PDK1: variants seen among roughly 807,000 people sequenced by gnomAD.
PDK1 encodes the protein [Pyruvate dehydrogenase (acetyl-transferring)] kinase isozyme 1, mitochondrial.
Under a neutral mutation model 54.2 loss-of-function variants are expected in PDK1, and 39 were observed. That is an observed-to-expected ratio of 0.72 (90% CI 0.56 to 0.94). The LOEUF (loss-of-function observed/expected upper bound fraction) is 0.94, where lower values mean the gene tolerates loss of function less well. Among genes scored for constraint, PDK1 ranks in the 40% least tolerant of loss-of-function variants. The pLI is 0.00. For synonymous variants in PDK1, 221 were observed against 207.1 expected (o/e 1.07, Z -0.58); for missense variants, 552 against 566.0 (o/e 0.98, Z 0.25).
At position 172,575,872 on chromosome 2, in the gene PDK1, A is replaced by G. The variant is rs148416233; in HGVS notation, c.945+5048A>G. ...AATATAAACAATACATTTGATATCT[A>G]TTTAGATTGTCCATTTCTTCCTGAG... On this transcript the variant is annotated intron_variant, in intron 8 of 10. Coordinates refer to ENST00000282077, the MANE Select transcript of PDK1 (RefSeq NM_002610.5). Among the ~76,000 whole-genome samples the G allele has an allele frequency of 3.1e-4, 47 of 152,210 alleles. 2 individuals are homozygous for G. The highest frequency in any genetic ancestry group is 1.0e-3 in the African/African-American group (42 of 41,544).
At chr2:172,689,569 T>C in the PDK1 span, among the ~76,000 whole-genome samples, 1 of 152,162 alleles carries the variant, frequency 6.6e-6, no homozygotes, top group South Asian at 2.1e-4. Flanking sequence ...AGAACAAAGC[T>C]GGAGGGATCA....
At position 172,598,802 on chromosome 2, in the gene PDK1, T is replaced by C. The variant is rs1223399698; in HGVS notation, c.*2833T>C. On this transcript the variant is annotated 3_prime_UTR_variant, in exon 11 of 11. Coordinates refer to ENST00000282077, the MANE Select transcript of PDK1 (RefSeq NM_002610.5). ...CATGGATCAACCCTTCTTTTGAAAA[T>C]AAACTGAGTCAATTTAGCCTTTTAA... 1 of 152,204 alleles carries C rather than the reference T, an allele frequency of 6.6e-6. No individual in the cohort carries two copies. Among genetic ancestry groups the C allele is most frequent in the Non-Finnish European group, 1.5e-5 (1 of 68,018 alleles). 9.4% of individuals were successfully genotyped at this position (152,204 alleles called of 1,614,324 possible). A position where few individuals can be genotyped will look rare whatever the true frequency, so the allele number is the denominator to read the frequency against.
At chr2:172,576,026 C>A (rs1206107332) in intron 8 of PDK1, among the ~76,000 whole-genome samples, 2 of 152,042 alleles carry the variant, frequency 1.3e-5, no homozygotes, top group African/African-American at 2.4e-5. Context: ...CTCCCGAGTT[C>A]ACGCCATTCT....
rs764837549 is a variant in PDK1 at position 172,604,646 on chromosome 2, TG to T, written c.*8679del. The T allele has an allele frequency of 2.6e-5, 4 of 152,210 alleles. No individual in the cohort carries two copies. Among genetic ancestry groups the T allele is most frequent in the Non-Finnish European group, 5.9e-5 (4 of 68,036 alleles). The allele number at this position is 152,210 out of a possible 1,614,324, so 9.4% of individuals were successfully genotyped here. On this transcript the variant is annotated 3_prime_UTR_variant, in exon 11 of 11. Transcript: ENST00000282077. ...CACCTTATTCACTTGGTCTTTGATGTGGTGTCCATAATTGAGTAAATGGCAG... is the reference window on the plus strand; with the variant it reads ...CACCTTATTCACTTGGTCTTTGATGTGTGTCCATAATTGAGTAAATGGCAG...
chr2:172,562,665 C>A, intron 3 of PDK1: 1 of 817,166 alleles, frequency 1.2e-6, no homozygotes, highest in Non-Finnish European at 2.1e-6. Context: ...AGGAAAGCTA[C>A]AAGTCTAGAT....
the PDK1 span, among the ~76,000 whole-genome samples, chr2:172,618,230 AG>A: frequency 1.3e-5 from 2 of 152,266 alleles, no homozygotes; most frequent in Non-Finnish European, 2.9e-5. Context: ...AAACTGGCTT[AG>A]GACCCTGAAG....
In PDK1 at chr2:172,604,226, C is replaced by G. The variant is rs766167356; in HGVS notation, c.*8257C>G. 1 of 152,142 alleles carries G rather than the reference C, an allele frequency of 6.6e-6. No individual in the cohort carries two copies. Among genetic ancestry groups the G allele is most frequent in the Admixed American group, 6.5e-5 (1 of 15,274 alleles). The allele number at this position is 152,142 out of a possible 1,614,324, so 9.4% of individuals were successfully genotyped here. On this transcript the variant is annotated 3_prime_UTR_variant, in exon 11 of 11. Transcript: ENST00000282077. Reference sequence around the variant, plus strand: ...CCTCCCCAGTAGCTGGGATTACAGGCGAGCGCCATCATGCCTGACTAATTT... The same window carrying G: ...CCTCCCCAGTAGCTGGGATTACAGGGGAGCGCCATCATGCCTGACTAATTT...
chr2:172,595,906 G>A lies in PDK1; in HGVS notation c.1248G>A (p.Glu416=). The change falls in exon 11 of 11, where the codon GAG becomes GAA. Residue 416 remains glutamate, a synonymous_variant. Transcript: ENST00000282077. The part of the protein sequence containing the change: ...AAWKHYNTNH[E]ADDWCVPSRE... ...GGAAGCATTACAACACCAACCACGA[G>A]GCTGATGACTGGTGCGTCCCCAGCA... is the stretch of plus-strand genomic sequence containing the variant. The A allele has an allele frequency of 6.2e-7, 1 of 1,613,832 alleles. No individual in the cohort carries two copies. The highest frequency in any genetic ancestry group is 1.1e-5 in the South Asian group (1 of 91,068).
chr2:172,623,484 G>A, the PDK1 span, among the ~76,000 whole-genome samples: 1 of 152,206 alleles, frequency 6.6e-6, no homozygotes, highest in African/African-American at 2.4e-5. Context: ...ATAAAAGCCT[G>A]TGGATGCACT....
At chr2:172,683,932 A>C in the PDK1 span, among the ~76,000 whole-genome samples, 9 of 152,242 alleles carry the variant, frequency 5.9e-5, no homozygotes, top group Non-Finnish European at 8.8e-5. Context: ...TAGAAGCAGG[A>C]GAAATACATA....
chr2:172,674,785 AG>A, the PDK1 span: 1 of 139,448 alleles, frequency 7.2e-6, no homozygotes, highest in Non-Finnish European at 1.5e-5. Flanking sequence ...GGCCTTCGGG[AG>A]GGGCGAAGCC....
At chr2:172,661,542 C>A in the PDK1 span, among the ~76,000 whole-genome samples, 1 of 152,108 alleles carries the variant, frequency 6.6e-6, no homozygotes, top group South Asian at 2.1e-4. Context: ...CATAGAATTA[C>A]AAATATTGAA....
the PDK1 span, among the ~76,000 whole-genome samples, chr2:172,621,940 A>T: frequency 6.8e-6 from 1 of 146,474 alleles, no homozygotes; most frequent in Non-Finnish European, 1.5e-5. Context: ...TTTATATCTC[A>T]TATATGTGGT....
chr2:172,648,706 G>A, the PDK1 span, among the ~76,000 whole-genome samples: 9 of 152,312 alleles, frequency 5.9e-5, no homozygotes, highest in Middle Eastern at 3.4e-3. Context: ...GGCTCGGAGG[G>A]TCCCATGCCC....
At chr2:172,627,864 T>G in the PDK1 span, among the ~76,000 whole-genome samples, 1 of 152,314 alleles carries the variant, frequency 6.6e-6, no homozygotes, top group African/African-American at 2.4e-5. Context: ...TGCTTGCACA[T>G]CCACTTGCAC....
At chr2:172,654,041 A>G in the PDK1 span, among the ~76,000 whole-genome samples, 1 of 152,256 alleles carries the variant, frequency 6.6e-6, no homozygotes, top group Non-Finnish European at 1.5e-5. Context: ...GCTGGCCATC[A>G]GAGAATGCAA....
At chr2:172,704,976 C>T in the PDK1 span, among the ~76,000 whole-genome samples, 15,234 of 152,154 alleles carry the variant, frequency 0.1, 933 homozygotes, top group South Asian at 0.2. Flanking sequence ...CTGCTTCTAA[C>T]AAACAGAGAA....
the PDK1 span, among the ~76,000 whole-genome samples, chr2:172,664,127 CATGGAG>C: frequency 3.3e-5 from 5 of 151,512 alleles, no homozygotes; most frequent in Non-Finnish European, 5.9e-5. Context: ...GCCTGGCCAA[CATGGAG>C]AAACCCTGTC....
At chr2:172,587,586 C>G (rs1016953262) in intron 9 of PDK1, among the ~76,000 whole-genome samples, 1 of 152,072 alleles carries the variant, frequency 6.6e-6, no homozygotes, top group Non-Finnish European at 1.5e-5. Context: ...TGAGCAGCAG[C>G]AAGATTTATT....
Sources: allele counts gnomAD v4.1 joint callset (sites outside exome capture counted in the v4.1 genomes callset), GRCh38; gene constraint gnomAD v4.1.1; transcripts MANE v1.5; gene names NCBI Gene and HGNC (gene_info 2026-07-23, HGNC 2026-07-21).